The following MKLN1 variants were observed in gnomAD, a reference collection of about 807,000 sequenced individuals.
The protein encoded by MKLN1 is muskelin 1, also known as muskelin.
A neutral mutation model predicts 99.0 loss-of-function variants in MKLN1; 18 were observed. The ratio of observed to expected loss-of-function variants is 0.18; its 90% confidence interval spans 0.13 to 0.27. MKLN1 has a LOEUF of 0.27. MKLN1 is among the 10% of genes least tolerant of loss of function. The pLI, the probability that MKLN1 is intolerant of heterozygous loss-of-function variation, is 1.00. For synonymous variants in MKLN1, 288 were observed against 293.2 expected (o/e 0.98, Z 0.18); for missense variants, 621 against 875.9 (o/e 0.71, Z 3.67).
Position 131,375,413 on chromosome 7 carries a change from C to T in MKLN1, c.99-11C>T, listed in dbSNP as rs754530545. On this transcript the variant is annotated splice_polypyrimidine_tract_variant and intron_variant, in intron 1 of 17. Coordinates refer to ENST00000352689, the MANE Select transcript of MKLN1 (RefSeq NM_013255.5). ...TGTTCTCTTAATTTTTTAATACTTT[C>T]TTTATTCCAGGAACATTTTAGTGGA... 1.3e-6 allele frequency: 2 copies of T among 1,590,960 alleles called. No individual in the cohort carries two copies. The highest frequency in any genetic ancestry group is 1.7e-6 in the Non-Finnish European group (2 of 1,159,514).
intron 12 of MKLN1, among the ~76,000 whole-genome samples, chr7:131,456,189 G>GT (rs544544152): frequency 2.6e-5 from 4 of 151,680 alleles, no homozygotes; most frequent in African/African-American, 4.8e-5. Context: ...TTGACCTTTA[G>GT]TTTTTTTTGT....
chr7:131,221,378 T>G (rs1406613003), intron 3 of MKLN1, among the ~76,000 whole-genome samples: 1 of 152,108 alleles, frequency 6.6e-6, no homozygotes, highest in Non-Finnish European at 1.5e-5. Flanking sequence ...CCAGGCATCT[T>G]CCAACCTCCT....
At chr7:131,188,245 G>C (rs1384574196) in intron 2 of MKLN1, among the ~76,000 whole-genome samples, 3 of 152,164 alleles carry the variant, frequency 2.0e-5, no homozygotes, top group African/African-American at 4.8e-5. Flanking sequence ...GGGGGCGTTG[G>C]GGGGAAGAAG....
At chr7:131,408,640 G>A (rs1335911654) in intron 6 of MKLN1, among the ~76,000 whole-genome samples, 1 of 152,070 alleles carries the variant, frequency 6.6e-6, no homozygotes, top group African/African-American at 2.4e-5. Context: ...ATGTGGGCAT[G>A]TGTGTGCAGG....
chr7:131,174,982 GATAGATA>G (rs1477927263), intron 2 of MKLN1, among the ~76,000 whole-genome samples: 2 of 151,532 alleles, frequency 1.3e-5, no homozygotes, highest in African/African-American at 4.9e-5. Context: ...TAGATAGATA[GATAGATA>G]GATAGATAGA....
chr7:131,204,338 TG>T (rs1463560705), intron 3 of MKLN1, among the ~76,000 whole-genome samples: 1 of 152,230 alleles, frequency 6.6e-6, no homozygotes, highest in Non-Finnish European at 1.5e-5. Context: ...GATCATCTTT[TG>T]CTTCTTCTTT....
At chr7:131,119,698 C>T (rs1247253456) in intron 1 of MKLN1, among the ~76,000 whole-genome samples, 1 of 152,232 alleles carries the variant, frequency 6.6e-6, no homozygotes, top group Non-Finnish European at 1.5e-5. Flanking sequence ...ACAGGCCCAA[C>T]ACCACATGGA....
At chr7:131,363,710 A>C (rs1800095232) in intron 1 of MKLN1, among the ~76,000 whole-genome samples, 1 of 151,902 alleles carries the variant, frequency 6.6e-6, no homozygotes, top group South Asian at 2.1e-4. Context: ...TAGCATAATT[A>C]AAATATTTTC....
chr7:131,378,882 CTTTTTT>C (rs912728269), intron 2 of MKLN1, among the ~76,000 whole-genome samples: 1 of 128,786 alleles, frequency 7.8e-6, no homozygotes, highest in Admixed American at 7.9e-5. Flanking sequence ...AAAGCTGGGA[CTTTTTT>C]TTTTTTTTTT....
chr7:131,389,133 TG>T (rs1794119349), intron 4 of MKLN1, among the ~76,000 whole-genome samples, 161 bp downstream of exon 4: 1 of 152,214 alleles, frequency 6.6e-6, no homozygotes, highest in African/African-American at 2.4e-5. Context: ...TATCTGCTTT[TG>T]TGCTACAAAA....
At chr7:131,231,877 A>ATGT (rs1797248934) in intron 3 of MKLN1, among the ~76,000 whole-genome samples, 1 of 152,200 alleles carries the variant, frequency 6.6e-6, no homozygotes, top group Admixed American at 6.5e-5. Context: ...ATGCTGAAGA[A>ATGT]CCACAAATGT....
chr7:131,323,629 TAA>T (rs903501866), upstream of MKLN1: 2 of 152,224 alleles, frequency 1.3e-5, no homozygotes, highest in Admixed American at 1.3e-4. Flanking sequence ...CAGGTATTTC[TAA>T]AAAGAGTGTT....
At chr7:131,360,551 G>C (rs1799999252) in intron 1 of MKLN1, among the ~76,000 whole-genome samples, 2 of 152,046 alleles carry the variant, frequency 1.3e-5, no homozygotes. Flanking sequence ...TATTTCATGT[G>C]CCATGTACCT....
chr7:131,289,442 A>G (rs10954314), intron 3 of MKLN1, among the ~76,000 whole-genome samples: 95,337 of 151,980 alleles, frequency 0.63, 30,455 homozygotes, highest in East Asian at 0.72. Context: ...CCTGGCCAAC[A>G]TAGCGAGACC....
chr7:131,271,745 C>T (rs1482672709), intron 3 of MKLN1, among the ~76,000 whole-genome samples: 1 of 151,862 alleles, frequency 6.6e-6, no homozygotes, highest in Non-Finnish European at 1.5e-5. Flanking sequence ...CCCATCTCTA[C>T]TAAAAATACA....
chr7:131,237,561 T>A (rs1242768788), intron 3 of MKLN1, among the ~76,000 whole-genome samples: 1 of 152,132 alleles, frequency 6.6e-6, no homozygotes, highest in Non-Finnish European at 1.5e-5. Context: ...TATGGCCACC[T>A]CAGAGACAAT....
chr7:131,275,958 C>A (rs1183412099), intron 3 of MKLN1, among the ~76,000 whole-genome samples: 1 of 152,118 alleles, frequency 6.6e-6, no homozygotes, highest in Admixed American at 6.5e-5. Flanking sequence ...AGAAAGAAGA[C>A]CCGGCCCACT....
chr7:131,230,153 T>G (rs1299303216), intron 3 of MKLN1, among the ~76,000 whole-genome samples: 1 of 152,188 alleles, frequency 6.6e-6, no homozygotes, highest in African/African-American at 2.4e-5. Context: ...GGGTCTTGTT[T>G]ATAATTTGGT....
rs751624933 is a variant in MKLN1 at position 131,260,106 on chromosome 7, C to G, written c.-179+57132C>G. ...TGTCGCCCAGGCTGGAGTACAGTGG[C>G]ACGATCTCAGCTCACTGCAACCTCT... On this transcript the variant is annotated intron_variant, in intron 3 of 7. Coordinates refer to the MKLN1 transcript ENST00000416992. Among the ~76,000 whole-genome samples, 26 of 151,986 alleles carry G rather than the reference C, an allele frequency of 1.7e-4. 1 individual carries two copies. In the South Asian group the frequency reaches 4.2e-3, roughly 24 times the overall value.
Sources: allele counts gnomAD v4.1 joint callset (sites outside exome capture counted in the v4.1 genomes callset), GRCh38; gene constraint gnomAD v4.1.1; transcripts MANE v1.5; gene names NCBI Gene and HGNC (gene_info 2026-07-23, HGNC 2026-07-21).